Variants in GUCY2C observed in about 807,000 individuals in gnomAD.
The protein encoded by GUCY2C is guanylate cyclase 2C, also known as guanylyl cyclase C.
In GUCY2C, 118 loss-of-function variants were observed where a neutral mutation model predicts 131.1. The ratio of observed to expected loss-of-function variants is 0.90; its 90% CI spans 0.78 to 1.05. The LOEUF (loss-of-function observed/expected upper bound fraction) is 1.05. GUCY2C is among the 50% of genes least tolerant of loss of function. GUCY2C has a pLI of 0.00. For missense variants in GUCY2C, 1,161 were observed against 1,304.4 expected, an observed-to-expected ratio of 0.89 and a Z score of 1.69; for synonymous variants, 452 against 457.8, an observed-to-expected ratio of 0.99 and a Z score of 0.16.
intron 8 of GUCY2C, among the ~76,000 whole-genome samples, chr12:14,673,355 A>T (rs1229241525): frequency 1.3e-5 from 2 of 152,058 alleles, no homozygotes; most frequent in African/African-American, 4.8e-5. Flanking sequence ...TTTCACTGTC[A>T]CTCATTTGCT....
chr12:14,665,350 G>A (rs1168221891), intron 10 of GUCY2C, among the ~76,000 whole-genome samples: 1 of 152,050 alleles, frequency 6.6e-6, no homozygotes, highest in African/African-American at 2.4e-5. Flanking sequence ...AGGACACAGC[G>A]GCATAAATTT....
intron 19 of GUCY2C, among the ~76,000 whole-genome samples, chr12:14,638,255 C>G (rs1388954346): frequency 1.3e-5 from 2 of 152,100 alleles, no homozygotes; most frequent in African/African-American, 4.8e-5. Context: ...GGAACCCTTA[C>G]ACACTGTTGA....
At chr12:14,619,514 GTA>G in intron 23 of GUCY2C, 1 of 497,718 alleles carries the variant, frequency 2.0e-6, no homozygotes, top group Non-Finnish European at 3.6e-6. Flanking sequence ...CGATCATAAA[GTA>G]TTTTGCTCTC....
chr12:14,644,667 A>C (rs1947478876), intron 16 of GUCY2C, among the ~76,000 whole-genome samples: 1 of 150,532 alleles, frequency 6.6e-6, no homozygotes, highest in Non-Finnish European at 1.5e-5. Context: ...GCATGTCCAC[A>C]TTTATTATTG....
chr12:14,633,152 T>C (rs1468922672), intron 19 of GUCY2C, among the ~76,000 whole-genome samples: 1 of 152,120 alleles, frequency 6.6e-6, no homozygotes, highest in African/African-American at 2.4e-5. Context: ...TGGTACCAGA[T>C]AAGCTGTCCT....
intron 19 of GUCY2C, among the ~76,000 whole-genome samples, chr12:14,630,318 T>G (rs1391111510): frequency 1.3e-5 from 2 of 152,036 alleles, no homozygotes; most frequent in Non-Finnish European, 2.9e-5. Context: ...AGTCATCTGC[T>G]GACTACCTTA....
intron 21 of GUCY2C, among the ~76,000 whole-genome samples, chr12:14,622,721 A>T (rs1053070173): frequency 6.6e-6 from 1 of 152,208 alleles, no homozygotes; most frequent in South Asian, 2.1e-4. Flanking sequence ...ATAAATTTTG[A>T]TATATTCTGA....
rs562371754 is a variant in GUCY2C, at chr12:14,650,179, T to G, written c.1710+1228A>C. On this transcript the variant is annotated intron_variant, in intron 15 of 26. Transcript: ENST00000261170. ...TTAAAATGATTGATATTTAATAGTT[T>G]CCTTTCCTTATGTTATAGTTATTCT... is the stretch of plus-strand genomic sequence containing the variant. Among the ~76,000 whole-genome samples, 11 of 152,336 alleles carry G rather than the reference T, an allele frequency of 7.2e-5. No individual in the cohort carries two copies. In the East Asian group the frequency reaches 2.1e-3, roughly 29 times the overall value.
At chr12:14,692,426 AT>A (rs546456685) in intron 1 of GUCY2C, among the ~76,000 whole-genome samples, 107 of 151,848 alleles carry the variant, frequency 7.0e-4, no homozygotes, top group Non-Finnish European at 1.2e-3. Context: ...ACAGATATTT[AT>A]TTTTTTTGAT....
chr12:14,619,136 G>A (rs1946841977), intron 24 of GUCY2C, 75 bp downstream of exon 24: 2 of 816,802 alleles, frequency 2.4e-6, no homozygotes, highest in African/African-American at 1.7e-5. Flanking sequence ...TCCTTATTGT[G>A]CATTTTATCT....
At chr12:14,614,586 G>A in intron 26 of GUCY2C, 1 of 357,958 alleles carries the variant, frequency 2.8e-6, no homozygotes, top group Non-Finnish European at 5.0e-6. Flanking sequence ...TTTATACTGA[G>A]CCCCCACATC....
At chr12:14,663,345 C>T (rs570555008) in intron 10 of GUCY2C, among the ~76,000 whole-genome samples, 3 of 152,350 alleles carry the variant, frequency 2.0e-5, no homozygotes, top group Admixed American at 6.5e-5. Context: ...TGCAATGGCA[C>T]GATCTCGGCT....
At chr12:14,654,732 G>A (rs1405063955) in intron 12 of GUCY2C, among the ~76,000 whole-genome samples, 1 of 152,164 alleles carries the variant, frequency 6.6e-6, no homozygotes, top group African/African-American at 2.4e-5. Flanking sequence ...GGTGCTTGAG[G>A]AATGACACCA....
chr12:14,621,869 T>G, intron 22 of GUCY2C, 136 bp downstream of exon 22: 1 of 578,686 alleles, frequency 1.7e-6, no homozygotes. Context: ...TCTTCACTTT[T>G]AGCTCAGATT....
At position 14,643,348 on chromosome 12, in the gene GUCY2C, T is replaced by G. The variant is rs182825482; in HGVS notation, c.1930+226A>C. Among the ~76,000 whole-genome samples the G allele has an allele frequency of 1.5e-3, 235 of 152,300 alleles. 2 individuals carry two copies. The highest frequency in any genetic ancestry group is 0.015 in the Admixed American group (229 of 15,296). ...CATTAAGTTATTCATGATTTCTCAG[T>G]GTAGCAAGGGACGCATGGATGAAGG... On this transcript the variant is annotated intron_variant, in intron 17 of 26. Coordinates refer to ENST00000261170, the MANE Select transcript of GUCY2C (RefSeq NM_004963.4).
At chr12:14,658,868 T>A (rs1947811120) in intron 11 of GUCY2C, among the ~76,000 whole-genome samples, 1 of 150,942 alleles carries the variant, frequency 6.6e-6, no homozygotes, top group African/African-American at 2.4e-5. Flanking sequence ...AAATACAACA[T>A]AATACAATAT....
At chr12:14,648,200 C>T (rs935095708) in intron 15 of GUCY2C, among the ~76,000 whole-genome samples, 2 of 151,484 alleles carry the variant, frequency 1.3e-5, no homozygotes, top group Non-Finnish European at 2.9e-5. Flanking sequence ...GACCTCGTGT[C>T]CCACCCGCCT....
chr12:14,637,412 T>C (rs75020264), intron 19 of GUCY2C, among the ~76,000 whole-genome samples: 4,482 of 152,234 alleles, frequency 0.029, 149 homozygotes, highest in African/African-American at 0.08. Context: ...CCACTGTCAT[T>C]TTCCCACAGA....
chr12:14,627,883 C>T (rs1022892836), intron 20 of GUCY2C, among the ~76,000 whole-genome samples: 1 of 152,236 alleles, frequency 6.6e-6, no homozygotes, highest in Non-Finnish European at 1.5e-5. Flanking sequence ...ACCTCATCTC[C>T]TCCAGCTCTA....
Sources: allele counts gnomAD v4.1 joint callset (sites outside exome capture counted in the v4.1 genomes callset), GRCh38; gene constraint gnomAD v4.1.1; transcripts MANE v1.5; gene names NCBI Gene and HGNC (gene_info 2026-07-23, HGNC 2026-07-21).